C19orf12: variants seen among roughly 807,000 people sequenced by gnomAD.
C19orf12 encodes the protein protein C19orf12.
In C19orf12, 2 loss-of-function variants were observed where a neutral mutation model predicts 3.8. The observed-to-expected ratio is 0.53, with a 90% CI of 0.22 to 1.66. C19orf12 has a LOEUF of 1.66. Ranked by LOEUF, C19orf12 falls within the 40% of genes most tolerant of loss-of-function variation. The pLI is 0.20. For missense variants in C19orf12, 156 were observed against 188.8 expected (o/e 0.83, Z 1.02); for synonymous variants, 89 against 84.6 (o/e 1.05, Z -0.28).
Position 29,701,041 on chromosome 19 carries a change from G to A in C19orf12, c.*1671C>T, listed in dbSNP as rs751700304. ...AAAAGTGCCGACATTACAAGCATGA[G>A]CCACCTCACCTGACCTACTCTTGCA... is the stretch of plus-strand genomic sequence containing the variant. On this transcript the variant is annotated 3_prime_UTR_variant, in exon 3 of 3. Transcript: ENST00000323670. 1.5e-5 allele frequency: 7 copies of A among 454,002 alleles called. No individual in the cohort carries two copies. The highest frequency in any genetic ancestry group is 3.1e-5 in the Non-Finnish European group (7 of 226,796). The allele number at this position is 454,002 out of a possible 1,614,324, so 28.1% of individuals were successfully genotyped here.
chr19:29,708,488 CTCTAGTT>C (rs1972499131), intron 1 of C19orf12, 65 bp from the exon 2 acceptor site: 1 of 1,590,978 alleles, frequency 6.3e-7, no homozygotes, highest in African/African-American at 1.3e-5. Context: ...CACAATGCCA[CTCTAGTT>C]CCTAGAGTTT....
In C19orf12 at chr19:29,702,485, G is replaced by A. The variant is rs767675466; in HGVS notation, c.*227C>T. On this transcript the variant is annotated 3_prime_UTR_variant, in exon 3 of 3. Coordinates refer to ENST00000323670, the MANE Select transcript of C19orf12 (RefSeq NM_031448.6). ...TCACTGGGGGGCCAGTCAGAGGGCT[G>A]TCATGGCAGGCCAGTGCACATGCCA... 2.8e-6 allele frequency: 2 copies of A among 723,058 alleles called. No homozygotes were observed. The highest frequency in any genetic ancestry group is 3.0e-5 in the South Asian group (2 of 67,214). 44.8% of individuals were successfully genotyped at this position (723,058 alleles called of 1,614,324 possible).
At chr19:29,708,747 C>T in intron 1 of C19orf12, 2 of 397,178 alleles carry the variant, frequency 5.0e-6, no homozygotes, top group Non-Finnish European at 9.6e-6. Flanking sequence ...GTGGTCTGAC[C>T]CTTCTGGCAT....
Position 29,699,776 on chromosome 19 carries a change from G to A in C19orf12, c.*2936C>T. ...AGGAGCAGGCCTTCCCTTGCAGCTT[G>A]CGCCCTCCCGTACCTTTTAAATTTT... is the stretch of plus-strand genomic sequence containing the variant. On this transcript the variant is annotated 3_prime_UTR_variant, in exon 3 of 3. Coordinates refer to ENST00000323670, the MANE Select transcript of C19orf12 (RefSeq NM_031448.6). 2.2e-6 allele frequency: 1 copy of A among 453,872 alleles called. No individual in the cohort carries two copies. Among genetic ancestry groups the A allele is most frequent in the South Asian group, 1.6e-5 (1 of 64,344 alleles). The allele number at this position is 453,872 out of a possible 1,614,324, so 28.1% of individuals were successfully genotyped here.
At chr19:29,715,390 C>T (rs770712695), upstream of C19orf12, 2 of 401,068 alleles carry the variant, frequency 5.0e-6, no homozygotes, top group Admixed American at 2.7e-5. Flanking sequence ...GCACCCCCTC[C>T]CCGGTCCTGG....
chr19:29,702,653 C>T lies in C19orf12; in HGVS notation c.*59G>A. 2 of 1,610,258 alleles carry T rather than the reference C, an allele frequency of 1.2e-6. No individual in the cohort carries two copies. The highest frequency in any genetic ancestry group is 1.1e-5 in the South Asian group (1 of 90,830). Reference sequence around the variant, plus strand: ...GCTGGGCTTCTCCCAACTCCCAAGCCACCTCTTCAGAATCACAGAGTCATT... The same window carrying T: ...GCTGGGCTTCTCCCAACTCCCAAGCTACCTCTTCAGAATCACAGAGTCATT... On this transcript the variant is annotated 3_prime_UTR_variant, in exon 3 of 3. Coordinates refer to ENST00000323670, the MANE Select transcript of C19orf12 (RefSeq NM_031448.6).
intron 1 of C19orf12, among the ~76,000 whole-genome samples, chr19:29,709,099 T>G (rs1381220136): frequency 6.6e-6 from 1 of 152,210 alleles, no homozygotes; most frequent in Non-Finnish European, 1.5e-5. Flanking sequence ...TAAGCAACTG[T>G]TCTTAAAAGT....
chr19:29,709,305 T>G (rs960131089), intron 1 of C19orf12, among the ~76,000 whole-genome samples: 8 of 152,104 alleles, frequency 5.3e-5, no homozygotes, highest in Non-Finnish European at 8.8e-5. Flanking sequence ...TGTGGCATGC[T>G]GGAGCCAGGG....
intron 1 of C19orf12, among the ~76,000 whole-genome samples, chr19:29,709,826 G>T (rs1972580112): frequency 6.6e-6 from 1 of 151,950 alleles, no homozygotes; most frequent in Non-Finnish European, 1.5e-5. Context: ...CACTACATTT[G>T]ACCTTAATAT....
At chr19:29,713,955 T>C (rs1189689999) in intron 1 of C19orf12, among the ~76,000 whole-genome samples, 2 of 151,092 alleles carry the variant, frequency 1.3e-5, no homozygotes, top group Admixed American at 6.6e-5. Flanking sequence ...TTTTTCTTTC[T>C]TTCCTTCCTT....
intron 1 of C19orf12, among the ~76,000 whole-genome samples, chr19:29,712,551 A>AG (rs1972738638): frequency 6.6e-6 from 1 of 152,194 alleles, no homozygotes; most frequent in Non-Finnish European, 1.5e-5. Context: ...AGGAAGAAAT[A>AG]AGCAACATGG....
Position 29,710,391 on chromosome 19 carries a change from G to A in C19orf12, c.-10-1968C>T, listed in dbSNP as rs16963157. ...TCTTTTTCCCCGTTGGTACACATTA[G>A]ACCTGTGATTCTCCACAAGTGCACG... On this transcript the variant is annotated intron_variant, in intron 1 of 2. Transcript: ENST00000323670. Among the ~76,000 whole-genome samples, 803 of 152,188 alleles carry A rather than the reference G, an allele frequency of 5.3e-3. 32 individuals carry two copies. The East Asian group carries it at 0.085, about 16-fold the overall frequency.
At chr19:29,703,339 G>T (rs1185144221) in intron 2 of C19orf12, among the ~76,000 whole-genome samples, 2 of 151,732 alleles carry the variant, frequency 1.3e-5, no homozygotes, top group African/African-American at 4.8e-5. Context: ...TAATCACAAA[G>T]GAGAAGGCTG....
At chr19:29,711,494 T>C (rs1427466123) in intron 1 of C19orf12, among the ~76,000 whole-genome samples, 1 of 152,170 alleles carries the variant, frequency 6.6e-6, no homozygotes, top group Non-Finnish European at 1.5e-5. Context: ...GTCAATTATA[T>C]TGGAAAAAGA....
At chr19:29,703,913 C>G (rs747925732) in intron 2 of C19orf12, among the ~76,000 whole-genome samples, 3 of 151,938 alleles carry the variant, frequency 2.0e-5, no homozygotes, top group Non-Finnish European at 4.4e-5. Flanking sequence ...TCACTTGAAC[C>G]CGGGAAGTAG....
At chr19:29,710,288 G>C (rs1361481172) in intron 1 of C19orf12, among the ~76,000 whole-genome samples, 1 of 152,170 alleles carries the variant, frequency 6.6e-6, no homozygotes, top group African/African-American at 2.4e-5. Flanking sequence ...TCCATGAGAG[G>C]ACCGCAAAGC....
chr19:29,713,180 C>T (rs576050471), intron 1 of C19orf12, among the ~76,000 whole-genome samples: 8 of 152,274 alleles, frequency 5.3e-5, no homozygotes, highest in Admixed American at 2.0e-4. Context: ...GCAAGGCTGC[C>T]TTTGTCTGTA....
chr19:29,701,567 C>T lies in C19orf12; in HGVS notation c.*1145G>A, dbSNP rs62105840. ...GATCTAAATGTGGAGACCACAGTTACGGAGAGCTGACTGTACTGGGGAAAT... is the reference window on the plus strand; with the variant it reads ...GATCTAAATGTGGAGACCACAGTTATGGAGAGCTGACTGTACTGGGGAAAT... On this transcript the variant is annotated 3_prime_UTR_variant, in exon 3 of 3. Transcript: ENST00000323670. 34,995 of 454,032 alleles carry T rather than the reference C, an allele frequency of 0.077. 2,032 individuals carry two copies. The highest frequency in any genetic ancestry group is 0.19 in the East Asian group (2,754 of 14,398). The allele number at this position is 454,032 out of a possible 1,614,324, so 28.1% of individuals were successfully genotyped here. A position where few individuals can be genotyped will look rare whatever the true frequency, so the allele number is the denominator to read the frequency against.
chr19:29,699,189 C>T lies in C19orf12; in HGVS notation c.*3523G>A, dbSNP rs1032189109. The T allele has an allele frequency of 8.8e-6, 4 of 453,386 alleles. No homozygotes were observed. The highest frequency in any genetic ancestry group is 1.3e-5 in the Non-Finnish European group (3 of 226,628). The allele number at this position is 453,386 out of a possible 1,614,324, so 28.1% of individuals were successfully genotyped here. The stretch of plus-strand genomic sequence containing the variant: ...ACGTTAGAAATATACATACATAGGC[C>T]GGGCGCAGTGGCTCACGCCTGTAAT... On this transcript the variant is annotated 3_prime_UTR_variant, in exon 3 of 3. Coordinates refer to ENST00000323670, the MANE Select transcript of C19orf12 (RefSeq NM_031448.6).
Sources: allele counts gnomAD v4.1 joint callset (sites outside exome capture counted in the v4.1 genomes callset), GRCh38; gene constraint gnomAD v4.1.1; transcripts MANE v1.5; gene names NCBI Gene and HGNC (gene_info 2026-07-23, HGNC 2026-07-21).